The following COL28A1 variants were observed in gnomAD, a reference collection of about 807,000 sequenced individuals.
COL28A1 encodes collagen alpha-1(XXVIII) chain.
A neutral mutation model predicts 150.2 loss-of-function variants in COL28A1; 161 were observed. The observed-to-expected ratio is 1.07, with a 90% CI of 0.94 to 1.22. The LOEUF (loss-of-function observed/expected upper bound fraction) is 1.22, where lower values mean the gene tolerates loss of function less well. COL28A1 is among the 50% of genes most tolerant of loss of function. The pLI is 0.00. For missense variants in COL28A1, 1,617 were observed against 1,388.3 expected (o/e 1.16, Z -2.62); for synonymous variants, 552 against 469.7 (o/e 1.18, Z -2.26).
rs867205912 is a variant in COL28A1 at position 7,373,767 on chromosome 7, C to T, written c.2360-221G>A. On this transcript the variant is annotated intron_variant, in intron 31 of 34. Coordinates refer to ENST00000399429, the MANE Select transcript of COL28A1 (RefSeq NM_001037763.3). This position sits in a 1 kb window ranked among gnomAD's most constrained non-coding sequence, Gnocchi z 4.1. Reference sequence around the variant, plus strand: ...AGGTTGGAGTGCAGTGGCGCGATCTCGGCTCACTGCAGGCTCCGTCCCCTG... The same window carrying T: ...AGGTTGGAGTGCAGTGGCGCGATCTTGGCTCACTGCAGGCTCCGTCCCCTG... Among the ~76,000 whole-genome samples the T allele has an allele frequency of 1.6e-4, 24 of 150,454 alleles. No individual in the cohort carries two copies. The highest frequency in any genetic ancestry group is 4.2e-4 in the African/African-American group (17 of 40,884).
At chr7:7,474,137 G>A (rs1433107143) in intron 15 of COL28A1, among the ~76,000 whole-genome samples, 1 of 149,980 alleles carries the variant, frequency 6.7e-6, no homozygotes, top group African/African-American at 2.5e-5. Context: ...AATGGCATTT[G>A]CAGTGACCTG....
intron 3 of COL28A1, among the ~76,000 whole-genome samples, chr7:7,526,406 A>G (rs1302222640): frequency 6.6e-6 from 1 of 152,260 alleles, no homozygotes; most frequent in African/African-American, 2.4e-5. Flanking sequence ...TTGTAGATAG[A>G]TACATACAAT....
intron 25 of COL28A1, among the ~76,000 whole-genome samples, chr7:7,422,862 G>A (rs1784452041): frequency 6.6e-6 from 1 of 152,158 alleles, no homozygotes. Flanking sequence ...ACAACACCAT[G>A]AGGATATCAT....
chr7:7,519,535 C>G (rs114025092), intron 6 of COL28A1, among the ~76,000 whole-genome samples: 2 of 152,098 alleles, frequency 1.3e-5, no homozygotes, highest in South Asian at 2.1e-4. Flanking sequence ...GAACCAAAAT[C>G]CTAACAATGA....
intron 15 of COL28A1, among the ~76,000 whole-genome samples, chr7:7,458,305 A>G (rs1787334124): frequency 6.6e-6 from 1 of 152,076 alleles, no homozygotes; most frequent in African/African-American, 2.4e-5. Context: ...AATCCCAGCT[A>G]CTCAGGAGGC....
chr7:7,415,337 G>A (rs1028041049), intron 27 of COL28A1, among the ~76,000 whole-genome samples: 1 of 152,192 alleles, frequency 6.6e-6, no homozygotes, highest in Non-Finnish European at 1.5e-5. Flanking sequence ...CTATATCCTT[G>A]AAATGACTCA....
intron 15 of COL28A1, among the ~76,000 whole-genome samples, chr7:7,467,938 T>C (rs1254218294): frequency 7.2e-6 from 1 of 139,370 alleles, no homozygotes; most frequent in African/African-American, 2.8e-5. Flanking sequence ...TTCCAGAATC[T>C]CTGGGACGCA....
intron 16 of COL28A1, among the ~76,000 whole-genome samples, chr7:7,455,236 G>T (rs185662168): frequency 6.6e-6 from 1 of 152,128 alleles, no homozygotes; most frequent in African/African-American, 2.4e-5. Flanking sequence ...TTCTAACCAG[G>T]AGATATTTAG....
chr7:7,360,707 C>G (rs7807595), intron 33 of COL28A1, among the ~76,000 whole-genome samples, 179 bp from the exon 34 acceptor site: 116,075 of 152,146 alleles, frequency 0.76, 44,630 homozygotes, highest in East Asian at 0.88. Flanking sequence ...ATGCATCCCT[C>G]AATACCCAAG....
intron 23 of COL28A1, among the ~76,000 whole-genome samples, chr7:7,433,577 T>C (rs1785131326): frequency 6.8e-6 from 1 of 146,416 alleles, no homozygotes; most frequent in Non-Finnish European, 1.5e-5. Flanking sequence ...GAGGCTGCAG[T>C]GAGAAGAGAT....
chr7:7,432,373 C>G, intron 25 of COL28A1, 100 bp downstream of exon 25: 1 of 844,558 alleles, frequency 1.2e-6, no homozygotes, highest in Admixed American at 2.3e-5. Flanking sequence ...TTTCAGACAC[C>G]TCTACTCTTC....
intron 3 of COL28A1, among the ~76,000 whole-genome samples, chr7:7,527,681 T>C (rs1782106511): frequency 6.6e-6 from 1 of 152,162 alleles, no homozygotes. Context: ...GGAAAGGGTC[T>C]CATGACAGCA....
rs1785423209 is a variant in COL28A1 at position 7,437,421 on chromosome 7, T to C, written c.1764A>G (p.Thr588=). 1 of 1,613,548 alleles carries C rather than the reference T, an allele frequency of 6.2e-7. No individual in the cohort carries two copies. The highest frequency in any genetic ancestry group is 1.3e-5 in the African/African-American group (1 of 74,916). ...GIMGPFGMPG[T]SIPGPPGPKG... ...TTGGCCCAGGTGGTCCAGGAATTGA[T>C]GTTCCAGGCATTCCAAAAGGGCCCA... The change falls in exon 22 of 35, where the codon ACA becomes ACG. Residue 588 remains threonine, a synonymous_variant. Transcript: ENST00000399429.
rs757567088 is a variant in COL28A1 at position 7,360,436 on chromosome 7, G to A, written c.3159C>T (p.Thr1053=). 6 of 1,608,000 alleles carry A rather than the reference G, an allele frequency of 3.7e-6. No homozygotes were observed. In the Admixed American group the frequency reaches 5.1e-5, roughly 14 times the overall value. Residue 1053 remains threonine, a synonymous_variant, in exon 34 of 35, where the codon ACC becomes ACT. Coordinates refer to ENST00000399429, the MANE Select transcript of COL28A1 (RefSeq NM_001037763.3). ...TGCTGAGCAGTGGCCTGGGGGTGGT[G>A]GTGGCCTCAGATGAGGTAGTGGCAG... is the stretch of plus-strand genomic sequence containing the variant. ...DLPATTSSEA[T]TTPRPLLSTP...
chr7:7,482,590 G>A (rs980398386), intron 13 of COL28A1, among the ~76,000 whole-genome samples: 14 of 150,424 alleles, frequency 9.3e-5, no homozygotes, highest in Non-Finnish European at 3.0e-5. Context: ...GCAACATTTT[G>A]ATACATTATT....
At chr7:7,437,809 A>G (rs909343319) in intron 21 of COL28A1, among the ~76,000 whole-genome samples, 7 of 152,264 alleles carry the variant, frequency 4.6e-5, no homozygotes, top group African/African-American at 1.7e-4. Context: ...TTTTCAATAT[A>G]GCAATTATCT....
intron 25 of COL28A1, among the ~76,000 whole-genome samples, chr7:7,429,228 A>G (rs1784805822): frequency 6.6e-6 from 1 of 152,178 alleles, no homozygotes; most frequent in Non-Finnish European, 1.5e-5. Flanking sequence ...ACATATATAC[A>G]GTTTCACTGT....
intron 27 of COL28A1, among the ~76,000 whole-genome samples, chr7:7,405,112 G>A (rs1380074580): frequency 6.6e-6 from 1 of 152,152 alleles, no homozygotes; most frequent in Non-Finnish European, 1.5e-5. Context: ...AGCAAGGATT[G>A]ACTAGTGGAG....
the COL28A1 span, among the ~76,000 whole-genome samples, chr7:7,339,547 G>A: frequency 6.6e-6 from 1 of 152,092 alleles, no homozygotes; most frequent in African/African-American, 2.4e-5. Flanking sequence ...GATTTTCAAT[G>A]CTCTGCCATT....
Sources: gnomAD v4.1 joint callset for allele counts (sites outside exome capture counted in the v4.1 genomes callset) on GRCh38, gnomAD v4.1.1 for gene constraint, Gnocchi (gnomAD v3.1) non-coding constraint, MANE v1.5 for transcripts, NCBI Gene and HGNC (gene_info 2026-07-23, HGNC 2026-07-21) for gene names.